The following PLPPR1 variants were observed in gnomAD, a reference collection of about 807,000 sequenced individuals.
PLPPR1 encodes phospholipid phosphatase related 1.
In PLPPR1, 10 loss-of-function variants were observed where a neutral mutation model predicts 33.1. That is an observed-to-expected ratio of 0.30 (90% CI 0.19 to 0.51). The LOEUF is 0.51. Ranked by LOEUF, PLPPR1 falls within the 20% of genes least tolerant of loss-of-function variation. The pLI is 0.97. For missense variants in PLPPR1, 304 were observed against 408.1 expected (o/e 0.74, Z 2.20); for synonymous variants, 151 against 151.0 (o/e 1.00, Z 0.00).
chr9:101,133,662 CATT>C (rs1006076375), intron 1 of PLPPR1, among the ~76,000 whole-genome samples: 12 of 152,144 alleles, frequency 7.9e-5, no homozygotes, highest in Non-Finnish European at 1.3e-4. Context: ...AACACTGTAT[CATT>C]GTTGTTCAAT....
intron 2 of PLPPR1, among the ~76,000 whole-genome samples, chr9:101,204,301 A>G (rs747823804): frequency 1.7e-4 from 26 of 152,182 alleles, no homozygotes; most frequent in Non-Finnish European, 3.4e-4. Context: ...CACACTATGA[A>G]TAAGGGAAAT....
chr9:101,086,326 G>A (rs533796054), intron 1 of PLPPR1, among the ~76,000 whole-genome samples: 46 of 152,276 alleles, frequency 3.0e-4, no homozygotes, highest in African/African-American at 1.1e-3. Context: ...GAAGGTAAAC[G>A]GTGATATATG....
At chr9:101,178,181 G>A (rs922696890) in intron 1 of PLPPR1, among the ~76,000 whole-genome samples, 31 of 152,306 alleles carry the variant, frequency 2.0e-4, no homozygotes, top group African/African-American at 5.5e-4. Context: ...AGCCACCCAT[G>A]TCATTGCCCA....
intron 1 of PLPPR1, among the ~76,000 whole-genome samples, chr9:101,133,573 C>T (rs760473745): frequency 5.9e-5 from 9 of 152,108 alleles, no homozygotes; most frequent in African/African-American, 1.7e-4. Context: ...TAGTTTTAGG[C>T]GATCATGATT....
chr9:101,097,443 G>C (rs1191741466), intron 1 of PLPPR1, among the ~76,000 whole-genome samples: 1 of 152,168 alleles, frequency 6.6e-6, no homozygotes, highest in African/African-American at 2.4e-5. Flanking sequence ...ACATTTGAAT[G>C]ATGTGCTTAG....
At chr9:101,255,298 T>C (rs1311216800) in intron 2 of PLPPR1, among the ~76,000 whole-genome samples, 1 of 152,112 alleles carries the variant, frequency 6.6e-6, no homozygotes, top group Non-Finnish European at 1.5e-5. Flanking sequence ...CTTTAGCAAC[T>C]AGCTCATGAA....
chr9:101,233,003 C>G (rs563164363), intron 2 of PLPPR1, among the ~76,000 whole-genome samples: 7 of 152,020 alleles, frequency 4.6e-5, no homozygotes, highest in Admixed American at 2.0e-4. Context: ...GAAACTTCCC[C>G]ATTCAGGTCA....
At chr9:101,298,032 C>G (rs910104664) in intron 4 of PLPPR1, among the ~76,000 whole-genome samples, 1 of 152,120 alleles carries the variant, frequency 6.6e-6, no homozygotes, top group African/African-American at 2.4e-5. Context: ...CTTTTTAATA[C>G]TGAAAAGTAA....
chr9:101,253,674 G>A (rs938753679), intron 2 of PLPPR1, among the ~76,000 whole-genome samples: 1 of 152,068 alleles, frequency 6.6e-6, no homozygotes, highest in African/African-American at 2.4e-5. Context: ...ATTATCAAAT[G>A]CCACCTTTTA....
At chr9:101,293,270 G>T (rs1298423635) in intron 4 of PLPPR1, among the ~76,000 whole-genome samples, 3 of 151,434 alleles carry the variant, frequency 2.0e-5, no homozygotes, top group Non-Finnish European at 4.4e-5. Flanking sequence ...AAATATATAT[G>T]CACCCAATAC....
At chr9:101,073,353 G>A (rs1830502582) in intron 1 of PLPPR1, among the ~76,000 whole-genome samples, 1 of 152,054 alleles carries the variant, frequency 6.6e-6, no homozygotes, top group South Asian at 2.1e-4. Context: ...GCAAAGGGCC[G>A]CTAATCAGGG....
intron 1 of PLPPR1, among the ~76,000 whole-genome samples, chr9:101,100,563 T>C (rs1360903761): frequency 6.6e-6 from 1 of 152,084 alleles, no homozygotes; most frequent in Non-Finnish European, 1.5e-5. Context: ...TAAAATAATA[T>C]AATTATTACG....
At chr9:101,192,536 GA>G (rs963150972) in intron 2 of PLPPR1, among the ~76,000 whole-genome samples, 56 of 151,586 alleles carry the variant, frequency 3.7e-4, no homozygotes, top group African/African-American at 8.0e-4. Flanking sequence ...TTCAAGGGGG[GA>G]AAAAAAACGT....
intron 2 of PLPPR1, among the ~76,000 whole-genome samples, chr9:101,231,417 T>C (rs1401904696): frequency 6.6e-6 from 1 of 151,654 alleles, no homozygotes; most frequent in Non-Finnish European, 1.5e-5. Flanking sequence ...TTAAGCCATA[T>C]ACATCAAGCA....
chr9:101,276,116 C>A (rs1045214411), intron 3 of PLPPR1, among the ~76,000 whole-genome samples: 1 of 152,096 alleles, frequency 6.6e-6, no homozygotes, highest in African/African-American at 2.4e-5. Flanking sequence ...CTTGTACTTC[C>A]TCATAATCTG....
intron 1 of PLPPR1, among the ~76,000 whole-genome samples, chr9:101,050,081 T>G (rs1454438365): frequency 2.3e-5 from 3 of 132,028 alleles, no homozygotes; most frequent in Non-Finnish European, 4.6e-5. Flanking sequence ...GCCGAGATCG[T>G]GCCACTGCAC....
intron 2 of PLPPR1, among the ~76,000 whole-genome samples, chr9:101,244,310 T>C (rs1827540441): frequency 6.6e-6 from 1 of 152,056 alleles, no homozygotes; most frequent in Admixed American, 6.6e-5. Context: ...GCTTTATTTT[T>C]TGTTTTGTTT....
intron 3 of PLPPR1, among the ~76,000 whole-genome samples, chr9:101,282,520 C>T (rs1299162864): frequency 6.6e-6 from 1 of 152,156 alleles, no homozygotes; most frequent in Non-Finnish European, 1.5e-5. Flanking sequence ...GGGTAACTCT[C>T]ACCACTTCTA....
intron 1 of PLPPR1, among the ~76,000 whole-genome samples, chr9:101,092,986 A>G (rs1301841609): frequency 6.6e-6 from 1 of 152,108 alleles, no homozygotes; most frequent in Non-Finnish European, 1.5e-5. Flanking sequence ...CAGACACCAA[A>G]TCTAATAGCA....
Sources: gnomAD v4.1 joint callset for allele counts (sites outside exome capture counted in the v4.1 genomes callset) on GRCh38, gnomAD v4.1.1 for gene constraint, MANE v1.5 for transcripts, NCBI Gene and HGNC (gene_info 2026-07-23, HGNC 2026-07-21) for gene names.